The following DENND1A variants were observed in gnomAD, a reference collection of about 807,000 sequenced individuals.
DENND1A encodes the protein DENN domain-containing protein 1A.
In DENND1A, 51 loss-of-function variants were observed where a neutral mutation model predicts 113.7. The ratio of observed to expected loss-of-function variants is 0.45; its 90% confidence interval spans 0.36 to 0.57. The LOEUF is 0.57. DENND1A is among the 20% of genes least tolerant of loss of function. DENND1A has a pLI of 0.00. For synonymous variants in DENND1A, 565 were observed against 570.8 expected, an observed-to-expected ratio of 0.99 and a Z score of 0.14; for missense variants, 1,258 against 1,395.9, an observed-to-expected ratio of 0.90 and a Z score of 1.57.
In DENND1A at chr9:123,381,118, C is replaced by T. The variant is rs1034384047; in HGVS notation, c.*314G>A. 5.0e-5 allele frequency: 17 copies of T among 342,346 alleles called. No individual in the cohort carries two copies. The highest frequency in any genetic ancestry group is 7.6e-5 in the Non-Finnish European group (14 of 184,172). The allele number at this position is 342,346 out of a possible 1,614,324, so 21.2% of individuals were successfully genotyped here. ...CTTCCGGGGGAAGGTGGGTAGGACT[C>T]GGTCTGGAGCAATATCATTGGCCCA... On this transcript the variant is annotated 3_prime_UTR_variant, in exon 24 of 24. Coordinates refer to ENST00000394215, the MANE Select transcript of DENND1A (RefSeq NM_001352964.2). This position sits in a 1 kb window ranked among gnomAD's most constrained non-coding sequence, Gnocchi z 4.7.
chr9:123,507,685 T>C (rs1564620031), intron 13 of DENND1A, among the ~76,000 whole-genome samples: 1 of 136,852 alleles, frequency 7.3e-6, no homozygotes, highest in Non-Finnish European at 1.6e-5. Flanking sequence ...CCTCATCTCT[T>C]AAAAAAAAAA....
Position 123,381,781 on chromosome 9 carries a change from T to C in DENND1A, c.2864A>G (p.Asn955Ser), listed in dbSNP as rs1430900865. The C allele has an allele frequency of 4.0e-6, 6 of 1,515,036 alleles. No individual in the cohort carries two copies. Among genetic ancestry groups the C allele is most frequent in the East Asian group, 2.5e-5 (1 of 40,648 alleles). 93.8% of individuals were successfully genotyped at this position (1,515,036 alleles called of 1,614,324 possible). Residue 955 changes from asparagine (N) to serine (S), a missense_variant, in exon 24 of 24, where the codon AAC becomes AGC. Transcript: ENST00000394215. The surrounding 1 kb of genome is among the most constrained non-coding windows in gnomAD (Gnocchi z 4.7). ...GCCCATGGGCATCTGGCCAAAGAGGTTGGGCATGGAGAGGGCGGAGAGGTT... is the reference window on the plus strand; with the variant it reads ...GCCCATGGGCATCTGGCCAAAGAGGCTGGGCATGGAGAGGGCGGAGAGGTT... ...QPNLSALSMP[N>S]LFGQMPMGTH...
At chr9:123,504,338 C>T (rs2052734867) in intron 13 of DENND1A, among the ~76,000 whole-genome samples, 1 of 152,182 alleles carries the variant, frequency 6.6e-6, no homozygotes, top group Non-Finnish European at 1.5e-5. Flanking sequence ...TCTTTTCACC[C>T]CCACTGGGAG....
At chr9:123,817,356 C>A (rs536120467) in intron 2 of DENND1A, among the ~76,000 whole-genome samples, 1 of 152,126 alleles carries the variant, frequency 6.6e-6, no homozygotes, top group Non-Finnish European at 1.5e-5. Context: ...ATGTGTTGGT[C>A]CACACGCCGG....
chr9:123,395,807 C>T (rs532545637), intron 21 of DENND1A, among the ~76,000 whole-genome samples: 15 of 152,240 alleles, frequency 9.9e-5, no homozygotes, highest in African/African-American at 3.1e-4. Context: ...TGGTTGTTAC[C>T]GGACGCCCCT....
intron 2 of DENND1A, among the ~76,000 whole-genome samples, chr9:123,860,317 A>G (rs924611617): frequency 2.0e-5 from 3 of 152,282 alleles, no homozygotes; most frequent in Admixed American, 1.3e-4. Flanking sequence ...GACTATTCTT[A>G]TATTATTCTA....
chr9:123,911,258 G>C (rs1853902509), intron 1 of DENND1A, among the ~76,000 whole-genome samples: 2 of 152,114 alleles, frequency 1.3e-5, no homozygotes, highest in African/African-American at 2.4e-5. Flanking sequence ...TAATAATATG[G>C]CTAAAAAAGA....
chr9:123,737,560 T>C (rs1414815467), intron 5 of DENND1A, among the ~76,000 whole-genome samples: 1 of 152,226 alleles, frequency 6.6e-6, no homozygotes, highest in African/African-American at 2.4e-5. Flanking sequence ...GAAAGCTTAG[T>C]TGTGTTTGGA....
intron 2 of DENND1A, among the ~76,000 whole-genome samples, chr9:123,825,718 A>C (rs1204703502): frequency 1.3e-5 from 2 of 152,256 alleles, no homozygotes; most frequent in Non-Finnish European, 2.9e-5. Context: ...GTGTATATTT[A>C]TCACATGTAA....
At chr9:123,856,241 G>C (rs1433330511) in intron 2 of DENND1A, among the ~76,000 whole-genome samples, 3 of 152,202 alleles carry the variant, frequency 2.0e-5, no homozygotes, top group African/African-American at 7.2e-5. Flanking sequence ...AGTAGCCACA[G>C]TAGTCCAGAG....
intron 13 of DENND1A, among the ~76,000 whole-genome samples, chr9:123,544,755 T>G (rs920562653): frequency 1.3e-5 from 2 of 152,200 alleles, no homozygotes. Context: ...TCTTAATGAT[T>G]TATTTAACGA....
chr9:123,414,668 T>A (rs999108294), intron 19 of DENND1A: 439 of 1,509,562 alleles, frequency 2.9e-4, no homozygotes, highest in Admixed American at 3.6e-4. Context: ...AACTCTTTTT[T>A]AAAAAGTCCT....
chr9:123,582,434 C>T (rs1564760449), intron 12 of DENND1A, among the ~76,000 whole-genome samples: 1 of 151,106 alleles, frequency 6.6e-6, no homozygotes, highest in Non-Finnish European at 1.5e-5. Context: ...GAGTCTTGCT[C>T]TGTCGCCCAG....
At chr9:123,717,490 C>T (rs1430510171) in intron 5 of DENND1A, among the ~76,000 whole-genome samples, 2 of 152,184 alleles carry the variant, frequency 1.3e-5, no homozygotes, top group African/African-American at 4.8e-5. Context: ...AGGATTCCAA[C>T]CTAGGTTTGT....
chr9:123,403,417 A>G lies in DENND1A; in HGVS notation c.1616T>C (p.Val539Ala). 3.1e-6 allele frequency: 5 copies of G among 1,614,182 alleles called. No individual in the cohort carries two copies. Among genetic ancestry groups the G allele is most frequent in the Non-Finnish European group, 4.2e-6 (5 of 1,180,030 alleles). ...NIAVEGRRTS[V>A]PSPEHLVKPL... ...CAATACTCACTGCTCAGGGCTCGGCACAGACGTCCTCCGGCCTTCCACTGC... is the reference window on the plus strand; with the variant it reads ...CAATACTCACTGCTCAGGGCTCGGCGCAGACGTCCTCCGGCCTTCCACTGC... Residue 539 changes from valine (V) to alanine (A), a missense_variant, in exon 21 of 24, where the codon GTG becomes GCG. Coordinates refer to ENST00000394215, the MANE Select transcript of DENND1A (RefSeq NM_001352964.2).
chr9:123,591,595 C>A (rs1246524439), intron 11 of DENND1A, among the ~76,000 whole-genome samples: 1 of 152,242 alleles, frequency 6.6e-6, no homozygotes, highest in African/African-American at 2.4e-5. Flanking sequence ...ATCTTTTCTG[C>A]TGTCCTCAGA....
chr9:123,808,679 G>A (rs1836018506), intron 2 of DENND1A, among the ~76,000 whole-genome samples: 1 of 152,050 alleles, frequency 6.6e-6, no homozygotes, highest in Admixed American at 6.6e-5. Flanking sequence ...CCCTGGTCTG[G>A]GGGACTACAC....
At chr9:123,564,878 G>A (rs1034233383) in intron 12 of DENND1A, among the ~76,000 whole-genome samples, 3 of 151,848 alleles carry the variant, frequency 2.0e-5, no homozygotes, top group South Asian at 2.1e-4. Context: ...GAGGCTAGAC[G>A]AAGGTTCCCC....
chr9:123,742,078 T>C (rs1290223058), intron 5 of DENND1A, among the ~76,000 whole-genome samples: 2 of 152,176 alleles, frequency 1.3e-5, no homozygotes, highest in African/African-American at 4.8e-5. Context: ...TAAACACAAG[T>C]GCATAGCGCC....
Sources: gnomAD v4.1 joint callset for allele counts (sites outside exome capture counted in the v4.1 genomes callset) on GRCh38, gnomAD v4.1.1 for gene constraint, Gnocchi (gnomAD v3.1) non-coding constraint, MANE v1.5 for transcripts, NCBI Gene and HGNC (gene_info 2026-07-23, HGNC 2026-07-21) for gene names.